The following BLTP1 variants were observed in gnomAD, a reference collection of about 807,000 sequenced individuals.
BLTP1 encodes the protein bridge-like lipid transfer protein family member 1.
the BLTP1 span, chr4:122,351,042 G>A: frequency 1.3e-5 from 2 of 152,370 alleles, no homozygotes; most frequent in Non-Finnish European, 2.9e-5. Flanking sequence ...AGGCAGTTAA[G>A]AATGGAAGGA....
chr4:122,229,298 A>C, the BLTP1 span: 1 of 1,315,652 alleles, frequency 7.6e-7, no homozygotes, highest in South Asian at 1.5e-5. Context: ...CCAAACCTCT[A>C]TTTCTTGAAA....
chr4:122,225,070 T>TA, the BLTP1 span: 1 of 907,274 alleles, frequency 1.1e-6, no homozygotes, highest in Non-Finnish European at 1.3e-6. Context: ...TTTGTTTTCT[T>TA]ACATATGTTT....
chr4:122,178,154 A>G, the BLTP1 span: 4 of 849,190 alleles, frequency 4.7e-6, no homozygotes, highest in African/African-American at 7.3e-5. Context: ...AACCTAAAAT[A>G]TGATATGTTT....
chr4:122,211,071 A>T, the BLTP1 span: 1 of 1,612,554 alleles, frequency 6.2e-7, no homozygotes, highest in South Asian at 1.1e-5. Context: ...ATGGACCTCT[A>T]CTAAATGCCT....
chr4:122,225,075 A>C, the BLTP1 span: 1 of 888,210 alleles, frequency 1.1e-6, no homozygotes, highest in Non-Finnish European at 1.4e-6. Context: ...TTTCTTACAT[A>C]TGTTTAAAGT....
At chr4:122,261,483 G>A in the BLTP1 span, 3 of 980,706 alleles carry the variant, frequency 3.1e-6, no homozygotes, top group Non-Finnish European at 3.6e-6. Flanking sequence ...AAATTGATCG[G>A]CCATTCTAAT....
the BLTP1 span, chr4:122,238,266 A>G: frequency 6.8e-6 from 11 of 1,614,032 alleles, no homozygotes; most frequent in Non-Finnish European, 9.3e-6. Context: ...GCTGGTGAAA[A>G]GGAAAGTCCT....
the BLTP1 span, chr4:122,341,664 A>G: frequency 2.0e-6 from 2 of 976,846 alleles, no homozygotes; most frequent in Non-Finnish European, 2.4e-6. Flanking sequence ...AGGAATGATG[A>G]TAAGAATATA....
chr4:122,182,226 GGGAAA>G, the BLTP1 span, among the ~76,000 whole-genome samples: 92 of 152,202 alleles, frequency 6.0e-4, no homozygotes, highest in Admixed American at 1.3e-3. Flanking sequence ...GAAATTATGG[GGGAAA>G]GCCAGTCAAG....
the BLTP1 span, among the ~76,000 whole-genome samples, chr4:122,191,866 A>G: frequency 6.6e-6 from 1 of 152,064 alleles, no homozygotes; most frequent in Non-Finnish European, 1.5e-5. Flanking sequence ...GAGATTTGCC[A>G]AAAAAACCTC....
At chr4:122,354,102 T>A in the BLTP1 span, 1 of 1,201,992 alleles carries the variant, frequency 8.3e-7, no homozygotes, top group South Asian at 1.4e-5. Context: ...TAAATGGAGA[T>A]GGTGTTTTCA....
chr4:122,334,187 A>G, the BLTP1 span: 5 of 280,530 alleles, frequency 1.8e-5, no homozygotes, highest in Non-Finnish European at 2.7e-5. Flanking sequence ...TAAAAAATGA[A>G]TAAAAGCAAA....
the BLTP1 span, chr4:122,347,703 G>C: frequency 1.8e-5 from 29 of 1,613,782 alleles, no homozygotes; most frequent in African/African-American, 3.7e-4. Context: ...TGTCACCAGG[G>C]ACAGTAGGAC....
the BLTP1 span, among the ~76,000 whole-genome samples, chr4:122,294,991 T>C: frequency 6.6e-5 from 10 of 152,038 alleles, no homozygotes; most frequent in Admixed American, 2.0e-4. Flanking sequence ...AACAGCACAA[T>C]AGACCAAGTG....
At chr4:122,321,213 C>G in the BLTP1 span, among the ~76,000 whole-genome samples, 1 of 151,984 alleles carries the variant, frequency 6.6e-6, no homozygotes, top group Non-Finnish European at 1.5e-5. Context: ...AATCGTAAGT[C>G]AAACCATTAT....
At chr4:122,254,156 C>A in the BLTP1 span, 1 of 1,598,248 alleles carries the variant, frequency 6.3e-7, no homozygotes, top group Non-Finnish European at 8.5e-7. Context: ...TTTTAAGGGG[C>A]TGTATGTTAA....
At chr4:122,278,847 A>T in the BLTP1 span, among the ~76,000 whole-genome samples, 56 of 152,152 alleles carry the variant, frequency 3.7e-4, no homozygotes, top group Non-Finnish European at 6.6e-4. Flanking sequence ...GCCCAGGCTG[A>T]TTTCAAACTC....
chr4:122,190,696 G>A, the BLTP1 span, among the ~76,000 whole-genome samples: 2 of 152,100 alleles, frequency 1.3e-5, no homozygotes, highest in East Asian at 3.9e-4. Flanking sequence ...AGTTAAGGTA[G>A]TTCATCTTAG....
chr4:122,239,821 G>A, the BLTP1 span: 6 of 1,614,086 alleles, frequency 3.7e-6, no homozygotes, highest in South Asian at 1.1e-5. Context: ...CATCAGTATC[G>A]ATCAATGGAT....
Sources: gnomAD v4.1 joint callset for allele counts (sites outside exome capture counted in the v4.1 genomes callset) on GRCh38, gnomAD v4.1.1 for gene constraint, MANE v1.5 for transcripts, NCBI Gene and HGNC (gene_info 2026-07-23, HGNC 2026-07-21) for gene names.